Variants in COG7 observed in about 807,000 individuals in gnomAD.
COG7 encodes the protein component of oligomeric golgi complex 7, also known as conserved oligomeric Golgi complex subunit 7.
COG7 carries 49 observed loss-of-function variants against 91.5 expected under a neutral mutation model. The observed-to-expected ratio is 0.54, with a 90% CI of 0.43 to 0.68. The LOEUF (loss-of-function observed/expected upper bound fraction) is 0.68, where lower values mean the gene tolerates loss of function less well. Ranked by LOEUF, COG7 falls within the 30% of genes least tolerant of loss-of-function variation. The probability of loss-of-function intolerance (pLI) is 0.00; values close to 1 mark genes in which losing one functional copy is unlikely to be tolerated. For synonymous variants in COG7, 365 were observed against 388.7 expected, an observed-to-expected ratio of 0.94 and a Z score of 0.72; for missense variants, 895 against 961.3, an observed-to-expected ratio of 0.93 and a Z score of 0.91.
chr16:23,416,396 G>T, intron 9 of COG7: 1 of 164,470 alleles, frequency 6.1e-6, no homozygotes, highest in Non-Finnish European at 1.3e-5. Context: ...TGTTCCTATA[G>T]AAATGCCTAC....
intron 10 of COG7, 196 bp downstream of exon 10, chr16:23,413,252 G>A (rs1456044001): frequency 1.1e-5 from 6 of 563,800 alleles, no homozygotes; most frequent in Non-Finnish European, 1.9e-5. Context: ...AAGAGCTGGA[G>A]GGGTCTTTTT....
At position 23,442,603 on chromosome 16, in the gene COG7, T is replaced by C; in HGVS notation, c.478A>G (p.Ser160Gly). 1.9e-6 allele frequency: 3 copies of C among 1,614,138 alleles called. No individual in the cohort carries two copies. The highest frequency in any genetic ancestry group is 1.7e-6 in the Non-Finnish European group (2 of 1,179,958). The change falls in exon 4 of 17, where the codon AGC becomes GGC. Residue 160 changes from serine to glycine, a missense_variant. Transcript: ENST00000307149. Reference protein sequence around the residue: ...ISAKLTGMQNSLMMLVDTPDY... With the variant: ...ISAKLTGMQNGLMMLVDTPDY... The stretch of plus-strand genomic sequence containing the variant: ...GGTGTATCAACAAGCATCATTAAGC[T>C]GTTCTGCATACCTGTTAGCTTGGCA...
chr16:23,421,027 G>C (rs1218736561), intron 7 of COG7, among the ~76,000 whole-genome samples: 1 of 149,856 alleles, frequency 6.7e-6, no homozygotes, highest in Admixed American at 6.8e-5. Flanking sequence ...TGAGATTACA[G>C]GTGCGAGCCC....
chr16:23,390,501 G>A (rs980273173), intron 16 of COG7, among the ~76,000 whole-genome samples: 1 of 152,054 alleles, frequency 6.6e-6, no homozygotes, highest in Non-Finnish European at 1.5e-5. Context: ...ACCGCGCTCA[G>A]TGCCCCCCCA....
chr16:23,418,766 G>T lies in COG7; in HGVS notation c.1071C>A (p.Pro357=). 1 of 1,613,592 alleles carries T rather than the reference G, an allele frequency of 6.2e-7. No homozygotes were observed. The highest frequency in any genetic ancestry group is 8.5e-7 in the Non-Finnish European group (1 of 1,179,540). Reference sequence around the variant, plus strand: ...CCATGTCGCCATACTTCAGCTGGTAGGGTTTGTATGGATCATACACAGCAT... The same window carrying T: ...CCATGTCGCCATACTTCAGCTGGTATGGTTTGTATGGATCATACACAGCAT... ...LVDAVYDPYK[P]YQLKYGDMEE... The change falls in exon 8 of 17, where the codon CCC becomes CCA. Residue 357 remains proline (P), a synonymous_variant. Transcript: ENST00000307149.
chr16:23,390,201 T>G (rs1022292529), intron 16 of COG7: 2 of 151,008 alleles, frequency 1.3e-5, no homozygotes, highest in African/African-American at 2.4e-5. Context: ...TTTTTTTTTT[T>G]TTTTTTTTTT....
At chr16:23,396,130 G>T (rs368181720) in intron 14 of COG7, among the ~76,000 whole-genome samples, 15 of 152,166 alleles carry the variant, frequency 9.9e-5, no homozygotes, top group African/African-American at 3.4e-4. Context: ...AAACAACCTG[G>T]CACTGTCTCT....
chr16:23,439,277 C>T (rs892473005), intron 4 of COG7, among the ~76,000 whole-genome samples: 9 of 131,360 alleles, frequency 6.9e-5, no homozygotes, highest in Non-Finnish European at 1.1e-4. Flanking sequence ...GCACTCCAGC[C>T]TGGGCAACAG....
Position 23,388,866 on chromosome 16 carries a change from G to T in COG7, c.*54C>A. 6.2e-7 allele frequency: 1 copy of T among 1,612,568 alleles called. No individual in the cohort carries two copies. The highest frequency in any genetic ancestry group is 1.3e-5 in the African/African-American group (1 of 74,800). ...AGAGTTTCTGAGCAAATCTGTGCTG[G>T]TGAGTCGCGAAACAGCAGCCCTGGC... On this transcript the variant is annotated 3_prime_UTR_variant, in exon 17 of 17. Transcript: ENST00000307149.
At chr16:23,446,329 G>A in intron 1 of COG7, 1 of 326,666 alleles carries the variant, frequency 3.1e-6, no homozygotes, top group South Asian at 3.1e-5. Context: ...GCGGTCATTA[G>A]CAGCCACCTC....
chr16:23,447,287 C>G (rs1013661782), intron 1 of COG7: 1 of 152,156 alleles, frequency 6.6e-6, no homozygotes, highest in African/African-American at 2.4e-5. Flanking sequence ...TCTCAGCTCA[C>G]TGGAACCTCT....
chr16:23,389,220 T>A, intron 16 of COG7, 134 bp from the exon 17 acceptor site: 1 of 1,017,524 alleles, frequency 9.8e-7, no homozygotes, highest in Non-Finnish European at 1.5e-6. Context: ...GCGCCAACCC[T>A]GCCCTCAATA....
At chr16:23,418,366 A>G (rs250576) in intron 8 of COG7, among the ~76,000 whole-genome samples, 44,713 of 151,942 alleles carry the variant, frequency 0.29, 7,562 homozygotes, top group African/African-American at 0.47. Context: ...TGAGCCAGGC[A>G]TGGTGGTGCA....
chr16:23,425,629 ATC>A (rs1963834093), intron 6 of COG7, among the ~76,000 whole-genome samples: 1 of 152,132 alleles, frequency 6.6e-6, no homozygotes, highest in Non-Finnish European at 1.5e-5. Context: ...TGTGAGCCAC[ATC>A]ACCTTTTAAA....
rs1596958236 is a variant in COG7 at position 23,445,948 on chromosome 16, T to C, written c.183A>G (p.Gln61=). The C allele has an allele frequency of 2.5e-6, 4 of 1,611,132 alleles. No homozygotes were observed. Among genetic ancestry groups the C allele is most frequent in the Admixed American group, 1.7e-5 (1 of 59,706 alleles). The change falls in exon 2 of 17, where the codon CAA becomes CAG. Residue 61 remains glutamine, a synonymous_variant. Coordinates refer to ENST00000307149, the MANE Select transcript of COG7 (RefSeq NM_153603.4). ...VNHAVEETSH[Q]ALQNMPKVLR... is the part of the protein sequence containing the mutation. The stretch of plus-strand genomic sequence containing the variant: ...GCACTTTGGGCATGTTCTGGAGAGC[T>C]TGGTGACTTGTTTCTGTAGTTAAAA...
chr16:23,415,167 G>C (rs539260301), intron 9 of COG7: 1 of 152,340 alleles, frequency 6.6e-6, no homozygotes, highest in African/African-American at 2.4e-5. Flanking sequence ...GCTTTCTAGG[G>C]TTATAAGTCC....
intron 4 of COG7, chr16:23,442,022 A>C (rs1014319407): frequency 3.1e-5 from 5 of 163,008 alleles, no homozygotes; most frequent in African/African-American, 1.2e-4. Context: ...ATTGCTTTCT[A>C]CACATAAAAG....
intron 8 of COG7, chr16:23,417,333 A>C: frequency 1.7e-6 from 1 of 605,932 alleles, no homozygotes; most frequent in Non-Finnish European, 3.0e-6. Context: ...TCCTGGCAGA[A>C]AAGCATGATC....
At chr16:23,410,468 G>C (rs1963544610) in intron 10 of COG7, 108 bp from the exon 11 acceptor site, 3 of 893,556 alleles carry the variant, frequency 3.4e-6, no homozygotes, top group Non-Finnish European at 5.5e-6. Flanking sequence ...CCTTTGGGTA[G>C]TTCTGGTTCT....
Sources: gnomAD v4.1 joint callset for allele counts (sites outside exome capture counted in the v4.1 genomes callset) on GRCh38, gnomAD v4.1.1 for gene constraint, MANE v1.5 for transcripts, NCBI Gene and HGNC (gene_info 2026-07-23, HGNC 2026-07-21) for gene names.